PARD3B: variants seen among roughly 807,000 people sequenced by gnomAD.
PARD3B encodes the protein par-3 family cell polarity regulator beta.
Under a neutral mutation model 130.2 loss-of-function variants are expected in PARD3B, and 103 were observed. The observed-to-expected ratio is 0.79, with a 90% CI of 0.67 to 0.93. The LOEUF (loss-of-function observed/expected upper bound fraction) is 0.93. Among genes scored for constraint, PARD3B ranks in the 40% least tolerant of loss-of-function variants. PARD3B has a pLI of 0.00. For missense variants in PARD3B, 1,609 were observed against 1,499.2 expected (o/e 1.07, Z -1.21); for synonymous variants, 583 against 553.2 (o/e 1.05, Z -0.76).
chr2:204,835,594 C>CTAAG (rs1219551352), intron 2 of PARD3B, among the ~76,000 whole-genome samples: 6 of 152,106 alleles, frequency 3.9e-5, no homozygotes, highest in African/African-American at 1.4e-4. Flanking sequence ...GTTTATTGAT[C>CTAAG]TAAGATATGA....
chr2:205,034,881 A>T (rs1386312666), intron 3 of PARD3B, among the ~76,000 whole-genome samples: 1 of 152,002 alleles, frequency 6.6e-6, no homozygotes. Context: ...TATTGAGATG[A>T]AATCTTGCTC....
intron 1 of PARD3B, among the ~76,000 whole-genome samples, chr2:204,619,734 G>A (rs954880256): frequency 6.6e-6 from 1 of 152,176 alleles, no homozygotes; most frequent in Non-Finnish European, 1.5e-5. Flanking sequence ...AGAAGACAAA[G>A]ATACAACTTC....
At chr2:204,549,020 C>T (rs992215248) in intron 1 of PARD3B, among the ~76,000 whole-genome samples, 17 of 152,186 alleles carry the variant, frequency 1.1e-4, no homozygotes, top group African/African-American at 4.1e-4. Flanking sequence ...CCAAGAATGC[C>T]ATTCTATATT....
At chr2:204,554,708 A>C (rs1381206643) in intron 1 of PARD3B, among the ~76,000 whole-genome samples, 2 of 152,000 alleles carry the variant, frequency 1.3e-5, no homozygotes. Flanking sequence ...ATAATTTAAA[A>C]TTATAATCAG....
At chr2:204,893,167 GA>G in intron 2 of PARD3B, among the ~76,000 whole-genome samples, 1 of 152,272 alleles carries the variant, frequency 6.6e-6, no homozygotes, top group South Asian at 2.1e-4. Flanking sequence ...CCCAAATGAA[GA>G]AAGTATTTCA....
intron 15 of PARD3B, among the ~76,000 whole-genome samples, chr2:205,225,534 TCTCA>T (rs765395920): frequency 5.9e-5 from 9 of 152,346 alleles, no homozygotes; most frequent in South Asian, 2.1e-4. Context: ...ATTAGTCTGT[TCTCA>T]CTCACACTGT....
At chr2:205,380,816 TATA>T (rs1324518058) in intron 18 of PARD3B, among the ~76,000 whole-genome samples, 1 of 95,070 alleles carries the variant, frequency 1.1e-5, no homozygotes, top group East Asian at 3.2e-4. Context: ...AAGAATATAT[TATA>T]TATTATATAA....
intron 3 of PARD3B, among the ~76,000 whole-genome samples, chr2:205,035,211 G>T (rs1697732003): frequency 6.6e-6 from 1 of 152,094 alleles, no homozygotes; most frequent in Admixed American, 6.6e-5. Context: ...CAATTTCTGA[G>T]AGATTGAATA....
At chr2:204,641,840 A>G (rs1218552164) in intron 1 of PARD3B, among the ~76,000 whole-genome samples, 1 of 152,204 alleles carries the variant, frequency 6.6e-6, no homozygotes, top group Non-Finnish European at 1.5e-5. Flanking sequence ...TGTCTATTGT[A>G]CTTCAAAACA....
chr2:205,614,817 G>A (rs1559273317), intron 22 of PARD3B, among the ~76,000 whole-genome samples: 1 of 152,084 alleles, frequency 6.6e-6, no homozygotes, highest in African/African-American at 2.4e-5. Flanking sequence ...ACACCAAGAT[G>A]TAACAGCAGC....
intron 1 of PARD3B, among the ~76,000 whole-genome samples, chr2:204,613,816 T>A (rs2034014388): frequency 6.6e-6 from 1 of 152,280 alleles, no homozygotes; most frequent in South Asian, 2.1e-4. Context: ...TGAAGTTTTC[T>A]TCTGCTGTTT....
chr2:204,642,365 A>C (rs897031599), intron 1 of PARD3B, among the ~76,000 whole-genome samples: 4 of 152,176 alleles, frequency 2.6e-5, no homozygotes, highest in Admixed American at 6.5e-5. Context: ...TCACACTGGA[A>C]ATTGGTCAGA....
chr2:204,958,861 G>A (rs2125841168), intron 2 of PARD3B, among the ~76,000 whole-genome samples: 1 of 152,264 alleles, frequency 6.6e-6, no homozygotes, highest in South Asian at 2.1e-4. Flanking sequence ...CTGAGTCCTG[G>A]AAGGGATACT....
At chr2:204,910,290 C>A (rs981927591) in intron 2 of PARD3B, among the ~76,000 whole-genome samples, 5 of 151,904 alleles carry the variant, frequency 3.3e-5, no homozygotes, top group African/African-American at 1.2e-4. Context: ...GGTAGCTGGG[C>A]TAAGACCTTA....
In PARD3B at chr2:205,122,092, T is replaced by G. The variant is rs2030811360; in HGVS notation, c.1165+143T>G. 2 of 732,222 alleles carry G rather than the reference T, an allele frequency of 2.7e-6. No individual in the cohort carries two copies. The highest frequency in any genetic ancestry group is 3.1e-5 in the Admixed American group (1 of 32,646). 45.4% of individuals were successfully genotyped at this position (732,222 alleles called of 1,614,324 possible). On this transcript the variant is annotated intron_variant, in intron 8 of 22. Transcript: ENST00000406610. This position sits in a 1 kb window ranked among gnomAD's most constrained non-coding sequence, Gnocchi z 4.3. The stretch of plus-strand genomic sequence containing the variant: ...AGATTTAAGTGTATACTTAGGTAAC[T>G]TAAATTTCTTGAAATTGTACTTTTT...
intron 21 of PARD3B, among the ~76,000 whole-genome samples, chr2:205,544,958 C>A (rs9288369): frequency 0.89 from 135,719 of 152,242 alleles, 62,551 homozygotes; most frequent in East Asian, 1. Flanking sequence ...TCCAAGAGTT[C>A]CTTTTAAAAT....
At chr2:205,537,420 G>C (rs1412507828) in intron 21 of PARD3B, among the ~76,000 whole-genome samples, 1 of 152,094 alleles carries the variant, frequency 6.6e-6, no homozygotes, top group Non-Finnish European at 1.5e-5. Flanking sequence ...TCTCCTGTCT[G>C]CTGACCCCTT....
intron 1 of PARD3B, among the ~76,000 whole-genome samples, chr2:204,562,567 TGAAA>T (rs2031387187): frequency 6.6e-6 from 1 of 152,224 alleles, no homozygotes; most frequent in African/African-American, 2.4e-5. Flanking sequence ...TTCGAGAAAC[TGAAA>T]GAGTTTTACT....
intron 2 of PARD3B, among the ~76,000 whole-genome samples, chr2:204,739,857 C>T (rs1429681862): frequency 6.6e-6 from 1 of 151,840 alleles, no homozygotes; most frequent in Admixed American, 6.6e-5. Context: ...GCAGGCATTT[C>T]CTTTTTAAGA....
Sources: gnomAD v4.1 joint callset for allele counts (sites outside exome capture counted in the v4.1 genomes callset) on GRCh38, gnomAD v4.1.1 for gene constraint, Gnocchi (gnomAD v3.1) non-coding constraint, MANE v1.5 for transcripts, NCBI Gene and HGNC (gene_info 2026-07-23, HGNC 2026-07-21) for gene names.